The following USH2A variants were observed in gnomAD, a reference collection of about 807,000 sequenced individuals.
USH2A encodes the protein usherin, also known as Usher syndrome 2A (autosomal recessive, mild).
A neutral mutation model predicts 538.9 loss-of-function variants in USH2A; 443 were observed. That is an observed-to-expected ratio of 0.82 (90% CI 0.76 to 0.89). The LOEUF is 0.89. Among genes scored for constraint, USH2A ranks in the 40% least tolerant of loss-of-function variants. The pLI is 0.00. For missense variants in USH2A, 6,633 were observed against 6,324.8 expected (o/e 1.05, Z -1.65); for synonymous variants, 2,413 against 2,273.5 (o/e 1.06, Z -1.75).
chr1:215,809,342 C>CT (rs1450991666), intron 49 of USH2A, among the ~76,000 whole-genome samples: 2 of 151,776 alleles, frequency 1.3e-5, no homozygotes, highest in Non-Finnish European at 1.5e-5. Context: ...AAAGCCAATA[C>CT]TTTTTTTTAA....
At chr1:216,202,621 G>A (rs1169051404) in intron 16 of USH2A, among the ~76,000 whole-genome samples, 2 of 152,138 alleles carry the variant, frequency 1.3e-5, no homozygotes, top group East Asian at 3.9e-4. Context: ...CCTTGGCTCA[G>A]CACTGATTTG....
intron 21 of USH2A, among the ~76,000 whole-genome samples, chr1:216,155,235 A>G (rs2033913923): frequency 6.6e-6 from 1 of 152,124 alleles, no homozygotes; most frequent in Admixed American, 6.6e-5. Context: ...CTCAGAGACT[A>G]AAAACCACCT....
intron 70 of USH2A, among the ~76,000 whole-genome samples, chr1:215,632,757 G>A (rs560112769): frequency 6.6e-6 from 1 of 152,252 alleles, no homozygotes; most frequent in Admixed American, 6.5e-5. Flanking sequence ...TCCTCCAGCA[G>A]CAGTGCACCT....
intron 41 of USH2A, among the ~76,000 whole-genome samples, chr1:215,884,739 T>G (rs1392154892): frequency 6.6e-6 from 1 of 152,228 alleles, no homozygotes; most frequent in Non-Finnish European, 1.5e-5. Flanking sequence ...AGACTCAACT[T>G]CTTTTACTTT....
At chr1:216,324,544 T>C (rs1023524956) in intron 6 of USH2A, among the ~76,000 whole-genome samples, 192 bp from the exon 7 acceptor site, 7 of 152,140 alleles carry the variant, frequency 4.6e-5, no homozygotes, top group South Asian at 2.1e-4. Flanking sequence ...TGTGTATCTG[T>C]TCATTTGCTC....
chr1:215,899,947 GA>G, intron 40 of USH2A, 127 bp downstream of exon 40: 5 of 1,379,412 alleles, frequency 3.6e-6, no homozygotes, highest in African/African-American at 1.4e-5. Flanking sequence ...TCTTGCCCTA[GA>G]AAAGGTTATT....
At chr1:215,826,378 A>G (rs1427402306) in intron 47 of USH2A, among the ~76,000 whole-genome samples, 1 of 152,230 alleles carries the variant, frequency 6.6e-6, no homozygotes, top group Non-Finnish European at 1.5e-5. Flanking sequence ...ATTGCCCAAG[A>G]AAGCATCACT....
intron 49 of USH2A, among the ~76,000 whole-genome samples, chr1:215,807,853 T>C (rs546565928): frequency 3.3e-5 from 5 of 152,240 alleles, no homozygotes; most frequent in Non-Finnish European, 7.4e-5. Flanking sequence ...GTTAGCCCTC[T>C]TTACTCATAT....
chr1:216,329,661 C>A (rs1488733398), intron 4 of USH2A, among the ~76,000 whole-genome samples: 2 of 152,076 alleles, frequency 1.3e-5, no homozygotes, highest in Non-Finnish European at 2.9e-5. Context: ...AACCTTCAGG[C>A]TCTCTCAGCC....
chr1:215,858,517 A>G (rs1399933421), intron 44 of USH2A, among the ~76,000 whole-genome samples: 1 of 145,100 alleles, frequency 6.9e-6, no homozygotes, highest in East Asian at 2.0e-4. Context: ...TCGTCTCTTC[A>G]CCTTCTGCCA....
chr1:215,833,316 T>C (rs1663376957), intron 47 of USH2A, among the ~76,000 whole-genome samples: 1 of 151,944 alleles, frequency 6.6e-6, no homozygotes, highest in Admixed American at 6.6e-5. Flanking sequence ...AGAGCTGTAG[T>C]AATCAAGATT....
At chr1:215,790,745 C>T (rs899026674) in intron 50 of USH2A, among the ~76,000 whole-genome samples, 2 of 152,202 alleles carry the variant, frequency 1.3e-5, no homozygotes, top group African/African-American at 4.8e-5. Flanking sequence ...GAACTGGAAG[C>T]CCTGCGGGAG....
chr1:215,772,922 T>C (rs906198048), intron 55 of USH2A, among the ~76,000 whole-genome samples: 1 of 152,194 alleles, frequency 6.6e-6, no homozygotes, highest in Non-Finnish European at 1.5e-5. Context: ...TTATAAAGTA[T>C]TGTGAATAAC....
chr1:216,317,817 C>T (rs761904862), intron 9 of USH2A, among the ~76,000 whole-genome samples: 8 of 152,058 alleles, frequency 5.3e-5, no homozygotes, highest in Non-Finnish European at 7.4e-5. Flanking sequence ...CATGCCACTG[C>T]ACTCCAGCCT....
At chr1:216,338,357 G>A (rs1050930988) in intron 4 of USH2A, among the ~76,000 whole-genome samples, 37 of 151,614 alleles carry the variant, frequency 2.4e-4, no homozygotes, top group African/African-American at 8.7e-4. Flanking sequence ...TTAAAAATCA[G>A]TGAGGAAATA....
chr1:216,231,467 C>A (rs1303513304), intron 14 of USH2A, among the ~76,000 whole-genome samples: 2 of 150,344 alleles, frequency 1.3e-5, no homozygotes, highest in African/African-American at 2.4e-5. Context: ...TATATAGCAA[C>A]CCACTCTAGG....
intron 4 of USH2A, among the ~76,000 whole-genome samples, chr1:216,329,607 C>T (rs1413891361): frequency 6.6e-6 from 1 of 152,100 alleles, no homozygotes; most frequent in Non-Finnish European, 1.5e-5. Context: ...GCATCCTTTA[C>T]ACCCCACACT....
intron 27 of USH2A, among the ~76,000 whole-genome samples, chr1:216,075,490 G>A (rs186285599): frequency 3.3e-5 from 5 of 152,262 alleles, no homozygotes; most frequent in East Asian, 3.9e-4. Context: ...CCACCCCTGG[G>A]CCTCTAAATG....
intron 57 of USH2A, 148 bp downstream of exon 57, chr1:215,759,512 T>G: frequency 1.1e-6 from 1 of 912,524 alleles, no homozygotes; most frequent in Non-Finnish European, 1.7e-6. Flanking sequence ...ACTGAATGAT[T>G]TAGCACTTTC....
Sources: allele counts gnomAD v4.1 joint callset (sites outside exome capture counted in the v4.1 genomes callset), GRCh38; gene constraint gnomAD v4.1.1; transcripts MANE v1.5; gene names NCBI Gene and HGNC (gene_info 2026-07-23, HGNC 2026-07-21).